ARHGAP12: variants seen among roughly 807,000 people sequenced by gnomAD.
ARHGAP12 encodes the protein rho GTPase-activating protein 12.
A neutral mutation model predicts 108.6 loss-of-function variants in ARHGAP12; 64 were observed. The ratio of observed to expected loss-of-function variants is 0.59; its 90% confidence interval spans 0.48 to 0.73. ARHGAP12 has a LOEUF of 0.73. Among genes scored for constraint, ARHGAP12 ranks in the 30% least tolerant of loss-of-function variants. The pLI is 0.00. For synonymous variants in ARHGAP12, 312 were observed against 337.2 expected (o/e 0.93, Z 0.82); for missense variants, 940 against 1,005.9 (o/e 0.93, Z 0.89).
chr10:31,921,665 G>A (rs1355560439), intron 1 of ARHGAP12, among the ~76,000 whole-genome samples: 3 of 150,178 alleles, frequency 2.0e-5, no homozygotes, highest in Non-Finnish European at 4.4e-5. Context: ...TGGGGAGGCT[G>A]AGGCAGGAGA....
chr10:31,817,716 T>C lies in ARHGAP12; in HGVS notation c.1731+72A>G, dbSNP rs184331585. The C allele has an allele frequency of 2.2e-4, 210 of 958,846 alleles. 1 individual carries two copies. In the African/African-American group the frequency reaches 3.0e-3, roughly 14 times the overall value. The allele number at this position is 958,846 out of a possible 1,614,324, so 59.4% of individuals were successfully genotyped here. A position where few individuals can be genotyped will look rare whatever the true frequency, so the allele number is the denominator to read the frequency against. ...TCACATATAGATTGCAATCCGGATATCCAATAAGCAATTAAAAAAAAAAAA... is the reference window on the plus strand; with the variant it reads ...TCACATATAGATTGCAATCCGGATACCCAATAAGCAATTAAAAAAAAAAAA... On this transcript the variant is annotated intron_variant, in intron 13 of 19. Coordinates refer to ENST00000344936, the MANE Select transcript of ARHGAP12 (RefSeq NM_018287.7).
chr10:31,885,349 C>G (rs989372853), intron 3 of ARHGAP12, among the ~76,000 whole-genome samples: 1 of 152,136 alleles, frequency 6.6e-6, no homozygotes, highest in Admixed American at 6.5e-5. Context: ...AGAAAACACA[C>G]GTTAAGTATC....
Position 31,872,250 on chromosome 10 carries a change from C to T in ARHGAP12, c.685-10592G>A, listed in dbSNP as rs545400413. ...CTGTTTTTATAGTCTCCTGGGAAATCGATTACCTAAACTCTATTGCTTCAA... is the reference window on the plus strand; with the variant it reads ...CTGTTTTTATAGTCTCCTGGGAAATTGATTACCTAAACTCTATTGCTTCAA... On this transcript the variant is annotated intron_variant, in intron 3 of 19. Coordinates refer to ENST00000344936, the MANE Select transcript of ARHGAP12 (RefSeq NM_018287.7). Among the ~76,000 whole-genome samples, 318 of 152,222 alleles carry T rather than the reference C, an allele frequency of 2.1e-3. 1 individual carries two copies. Among genetic ancestry groups the T allele is most frequent in the Non-Finnish European group, 3.5e-3 (239 of 68,008 alleles).
At chr10:31,928,344 G>C (rs1197758353) in intron 1 of ARHGAP12, among the ~76,000 whole-genome samples, 1 of 151,728 alleles carries the variant, frequency 6.6e-6, no homozygotes, top group Non-Finnish European at 1.5e-5. Flanking sequence ...TGGGGGCGGG[G>C]CGGGCGGGCG....
intron 3 of ARHGAP12, among the ~76,000 whole-genome samples, chr10:31,873,252 A>T (rs1447194782): frequency 6.6e-6 from 1 of 152,218 alleles, no homozygotes; most frequent in African/African-American, 2.4e-5. Flanking sequence ...TTCAAAATCC[A>T]GTGTGTATTT....
At chr10:31,896,295 CT>C (rs1293661516) in intron 3 of ARHGAP12, among the ~76,000 whole-genome samples, 2 of 139,130 alleles carry the variant, frequency 1.4e-5, no homozygotes, top group African/African-American at 2.8e-5. Context: ...CATCATTAAA[CT>C]TTTTTTACTT....
chr10:31,809,433 C>G (rs1047939694), intron 16 of ARHGAP12, 126 bp from the exon 17 acceptor site: 5 of 829,964 alleles, frequency 6.0e-6, no homozygotes, highest in African/African-American at 1.7e-5. Flanking sequence ...GGCAAATATT[C>G]TTTTTCTCTA....
chr10:31,860,145 C>A (rs908436812), intron 4 of ARHGAP12, among the ~76,000 whole-genome samples: 2 of 152,140 alleles, frequency 1.3e-5, no homozygotes, highest in African/African-American at 2.4e-5. Flanking sequence ...ACTAAAAACA[C>A]AAATTATTAC....
At position 31,839,676 on chromosome 10, in the gene ARHGAP12, T is replaced by G; in HGVS notation, c.1332A>C (p.Glu444Asp). The G allele has an allele frequency of 6.2e-7, 1 of 1,609,220 alleles. No individual in the cohort carries two copies. ...SPTASKPCFP[E>D]NESSPSSPKH... ...TTGGTGAGGAGGGAGAAGACTCATTTTCAGGAAAGCAGGGTTTTGAGGCAG... is the reference window on the plus strand; with the variant it reads ...TTGGTGAGGAGGGAGAAGACTCATTGTCAGGAAAGCAGGGTTTTGAGGCAG... Residue 444 changes from glutamate to aspartate, a missense_variant, in exon 8 of 20, where the codon GAA becomes GAC. Transcript: ENST00000344936.
chr10:31,819,978 T>C (rs768020024), intron 12 of ARHGAP12, among the ~76,000 whole-genome samples: 6 of 152,100 alleles, frequency 3.9e-5, no homozygotes, highest in Non-Finnish European at 8.8e-5. Flanking sequence ...GGCCTTTATT[T>C]TTTAGACCAG....
At chr10:31,903,747 T>A (rs1363620637) in intron 3 of ARHGAP12, among the ~76,000 whole-genome samples, 2 of 136,488 alleles carry the variant, frequency 1.5e-5, no homozygotes, top group Non-Finnish European at 3.1e-5. Flanking sequence ...AAAAAAAAAC[T>A]CTCAAAATTC....
chr10:31,839,469 T>C, intron 8 of ARHGAP12, 150 bp from the exon 9 acceptor site: 6 of 1,113,214 alleles, frequency 5.4e-6, no homozygotes, highest in Non-Finnish European at 7.5e-6. Flanking sequence ...GGGGGACTTT[T>C]AAATCAATAA....
At chr10:31,844,851 A>G (rs1181108884) in intron 6 of ARHGAP12, among the ~76,000 whole-genome samples, 1 of 152,026 alleles carries the variant, frequency 6.6e-6, no homozygotes, top group African/African-American at 2.4e-5. Context: ...ACGACTCCCT[A>G]TTCAGGAATA....
chr10:31,921,197 G>A (rs1362645538), intron 1 of ARHGAP12, among the ~76,000 whole-genome samples: 4 of 152,034 alleles, frequency 2.6e-5, no homozygotes, highest in Non-Finnish European at 5.9e-5. Context: ...TGAGGTAAGA[G>A]GATTACAGGA....
At chr10:31,842,515 T>C (rs1037257572) in intron 7 of ARHGAP12, among the ~76,000 whole-genome samples, 1 of 152,100 alleles carries the variant, frequency 6.6e-6, no homozygotes, top group African/African-American at 2.4e-5. Flanking sequence ...TATACACATG[T>C]ATGAAGGCTG....
chr10:31,863,257 C>T (rs1211339204), intron 3 of ARHGAP12, among the ~76,000 whole-genome samples: 2 of 152,128 alleles, frequency 1.3e-5, no homozygotes, highest in African/African-American at 4.8e-5. Context: ...AGATTAATTC[C>T]ATATCCTAGT....
intron 4 of ARHGAP12, among the ~76,000 whole-genome samples, chr10:31,857,300 G>T (rs1836924448): frequency 6.6e-6 from 1 of 151,986 alleles, no homozygotes; most frequent in African/African-American, 2.4e-5. Flanking sequence ...GTGATATCGG[G>T]AAACTCCCCT....
intron 7 of ARHGAP12, among the ~76,000 whole-genome samples, chr10:31,840,307 T>A (rs914676375): frequency 7.9e-5 from 12 of 151,738 alleles, no homozygotes; most frequent in Non-Finnish European, 8.8e-5. Flanking sequence ...AAAAAAAAAT[T>A]TTAATGTCTA....
chr10:31,826,993 GT>G (rs1414874741), intron 10 of ARHGAP12: 1 of 152,174 alleles, frequency 6.6e-6, no homozygotes, highest in African/African-American at 2.4e-5. Context: ...ACAAAAATGT[GT>G]AAAGGAAAGG....
Sources: gnomAD v4.1 joint callset for allele counts (sites outside exome capture counted in the v4.1 genomes callset) on GRCh38, gnomAD v4.1.1 for gene constraint, MANE v1.5 for transcripts, NCBI Gene and HGNC (gene_info 2026-07-23, HGNC 2026-07-21) for gene names.